Variants in ZFHX3 observed in about 807,000 individuals in gnomAD.
ZFHX3 encodes zinc finger homeobox 3, also known as zinc finger homeobox protein 3.
Under a neutral mutation model 279.1 loss-of-function variants are expected in ZFHX3, and 42 were observed. That is an observed-to-expected ratio of 0.15 (90% confidence interval 0.12 to 0.19). The LOEUF is 0.19. ZFHX3 is among the 10% of genes least tolerant of loss of function. The probability of loss-of-function intolerance (pLI) is 1.00; values close to 1 mark genes in which losing one functional copy is unlikely to be tolerated. For missense variants in ZFHX3, 4,981 were observed against 4,754.0 expected (o/e 1.05, Z -1.40); for synonymous variants, 2,293 against 1,957.8 (o/e 1.17, Z -4.52).
At chr16:72,868,759 T>G (rs1231557190) in intron 4 of ZFHX3, among the ~76,000 whole-genome samples, 1 of 152,204 alleles carries the variant, frequency 6.6e-6, no homozygotes, top group African/African-American at 2.4e-5. Context: ...CTGGTCACCT[T>G]CTGCACCTCC....
In ZFHX3 at chr16:72,787,535, G is replaced by C; in HGVS notation, c.10741C>G (p.Pro3581Ala). 1 of 1,614,100 alleles carries C rather than the reference G, an allele frequency of 6.2e-7. No homozygotes were observed. The highest frequency in any genetic ancestry group is 8.5e-7 in the Non-Finnish European group (1 of 1,179,990). ...LLPHSACFPD[P>A]STASTSQSAA... ...GACTGCGAGGTAGATGCGGTGCTAGGATCGGGGAAGCAGGCAGAGTGAGGT... is the reference window on the plus strand; with the variant it reads ...GACTGCGAGGTAGATGCGGTGCTAGCATCGGGGAAGCAGGCAGAGTGAGGT... The change falls in exon 10 of 10, where the codon CCT (proline) becomes GCT (alanine). Residue 3581 changes from proline (P) to alanine (A), a missense_variant. By Grantham distance (27) the Pro-to-Ala change is conservative. Transcript: ENST00000268489.
At chr16:73,361,664 C>G (rs2016435750) in intron 3 of ZFHX3, among the ~76,000 whole-genome samples, 1 of 152,330 alleles carries the variant, frequency 6.6e-6, no homozygotes, top group Admixed American at 6.5e-5. Flanking sequence ...CTTCCCCCCA[C>G]TGTAAAAGTT....
chr16:73,397,651 TG>T (rs1317300878), intron 3 of ZFHX3, among the ~76,000 whole-genome samples: 1 of 151,744 alleles, frequency 6.6e-6, no homozygotes, highest in Non-Finnish European at 1.5e-5. Context: ...CTATTAGCAG[TG>T]GGGATGTGGG....
chr16:73,726,638 G>C (rs987862413), intron 1 of ZFHX3, among the ~76,000 whole-genome samples: 1 of 152,212 alleles, frequency 6.6e-6, no homozygotes, highest in Non-Finnish European at 1.5e-5. Context: ...GGAGGCCTCA[G>C]AGAGCTTTTA....
intron 5 of ZFHX3, among the ~76,000 whole-genome samples, chr16:73,195,808 G>T (rs1356757757): frequency 6.6e-6 from 1 of 152,174 alleles, no homozygotes; most frequent in Non-Finnish European, 1.5e-5. Context: ...GGAACGGCAG[G>T]AAGTGCTAGA....
At position 73,687,944 on chromosome 16, in the gene ZFHX3, T is replaced by C. The variant is rs533544015; in HGVS notation, c.-1607-7704A>G. ...AATTTCCATAATACTTGTAATTTTA[T>C]CTTTAAGACAATAATTTTTTTTCCA... On this transcript the variant is annotated intron_variant, in intron 1 of 17. Transcript: ENST00000641206. Among the ~76,000 whole-genome samples, 488 of 152,190 alleles carry C rather than the reference T, an allele frequency of 3.2e-3. 3 individuals are homozygous for C. The highest frequency in any genetic ancestry group is 0.011 in the African/African-American group (453 of 41,514).
intron 2 of ZFHX3, among the ~76,000 whole-genome samples, chr16:73,601,163 A>G (rs894823497): frequency 1.3e-5 from 2 of 152,040 alleles, no homozygotes; most frequent in South Asian, 2.1e-4. Flanking sequence ...TTATTTAACA[A>G]TTGTTTGGGC....
intron 1 of ZFHX3, among the ~76,000 whole-genome samples, chr16:73,056,565 C>A (rs1965561497): frequency 1.3e-5 from 2 of 152,052 alleles, no homozygotes; most frequent in East Asian, 1.9e-4. Flanking sequence ...GAAAAAAAAA[C>A]AACTTCAGCA....
intron 2 of ZFHX3, among the ~76,000 whole-genome samples, chr16:73,568,953 G>A (rs2020490736): frequency 6.6e-6 from 1 of 151,904 alleles, no homozygotes; most frequent in South Asian, 2.1e-4. Flanking sequence ...TGTGCCTCCG[G>A]CGACTCAACT....
chr16:73,157,114 A>T (rs1967106849), intron 5 of ZFHX3, among the ~76,000 whole-genome samples: 1 of 152,144 alleles, frequency 6.6e-6, no homozygotes, highest in Non-Finnish European at 1.5e-5. Flanking sequence ...CTGCCTCTGA[A>T]GTCTAGCCAC....
chr16:73,066,309 T>G (rs1274276480), intron 8 of ZFHX3, among the ~76,000 whole-genome samples: 1 of 152,094 alleles, frequency 6.6e-6, no homozygotes, highest in Non-Finnish European at 1.5e-5. Context: ...CCTCCCCGCC[T>G]CTCGTTCCCA....
At position 72,796,485 on chromosome 16, in the gene ZFHX3, G is replaced by A. The variant is rs754624764; in HGVS notation, c.6197C>T (p.Ala2066Val). 71 of 1,608,396 alleles carry A rather than the reference G, an allele frequency of 4.4e-5. No homozygotes were observed. The highest frequency in any genetic ancestry group is 1.7e-4 in the Middle Eastern group (1 of 6,054). Residue 2066 changes from alanine (A) to valine (V), a missense_variant, in exon 9 of 10, where the codon GCA (alanine) becomes GTA (valine). Physicochemically the swap from Ala to Val is moderately conservative, Grantham distance 64. Transcript: ENST00000268489. ...PQPASTPAIP[A>V]SAPPITSPTI... is the part of the protein sequence containing the mutation. ...AGGTGAGGTGATGGGTGGGGCTGAT[G>A]CGGGGATGGCTGGTGTGGACGCCGG...
At chr16:73,263,081 CTTG>C (rs2013869868) in intron 4 of ZFHX3, among the ~76,000 whole-genome samples, 1 of 152,180 alleles carries the variant, frequency 6.6e-6, no homozygotes, top group South Asian at 2.1e-4. Context: ...CAATAAAATG[CTTG>C]TTGTTTTAAG....
intron 4 of ZFHX3, among the ~76,000 whole-genome samples, chr16:73,263,441 G>A (rs1035715912): frequency 2.0e-5 from 3 of 152,030 alleles, no homozygotes; most frequent in Non-Finnish European, 4.4e-5. Context: ...CTCCTGCCTC[G>A]GCCTCCCAGA....
chr16:73,506,521 A>G (rs1431323943), intron 2 of ZFHX3, among the ~76,000 whole-genome samples: 1 of 152,182 alleles, frequency 6.6e-6, no homozygotes, highest in African/African-American at 2.4e-5. Context: ...AAGTTCATGT[A>G]TATTAGCCAG....
upstream of ZFHX3, among the ~76,000 whole-genome samples, chr16:73,052,216 T>G (rs545966418): frequency 1.9e-4 from 26 of 135,240 alleles, 1 homozygote; most frequent in South Asian, 6.1e-3. Context: ...AATTGTAGAT[T>G]TAAAAAAAAA....
At chr16:72,983,477 C>T (rs1254108620) in intron 1 of ZFHX3, among the ~76,000 whole-genome samples, 1 of 152,124 alleles carries the variant, frequency 6.6e-6, no homozygotes, top group Non-Finnish European at 1.5e-5. Context: ...GAGGCCGAGG[C>T]GGGAGGATCA....
In ZFHX3 at chr16:72,795,960, C is replaced by T; in HGVS notation, c.6722G>A (p.Ser2241Asn). 1 of 1,614,182 alleles carries T rather than the reference C, an allele frequency of 6.2e-7. No homozygotes were observed. Among genetic ancestry groups the T allele is most frequent in the Admixed American group, 1.7e-5 (1 of 60,024 alleles). The change falls in exon 9 of 10, where the codon AGC becomes AAC. Residue 2241 changes from serine (S) to asparagine (N), a missense_variant. Coordinates refer to ENST00000268489, the MANE Select transcript of ZFHX3 (RefSeq NM_006885.4). ...AAACCTTGTTCTTGAAGACCTCTTG[C>T]TTCCCCAGTACTCCTGCTTTGGAGG... is the stretch of plus-strand genomic sequence containing the variant. ...PEPPKQEYWG[S>N]KRSSRTRFTD...
intron 1 of ZFHX3, among the ~76,000 whole-genome samples, chr16:73,813,425 T>C (rs1960478329): frequency 6.6e-6 from 1 of 152,024 alleles, no homozygotes; most frequent in Admixed American, 6.6e-5. Context: ...GATCAGGGAA[T>C]TGGCTGCATA....
Sources: gnomAD v4.1 joint callset for allele counts (sites outside exome capture counted in the v4.1 genomes callset) on GRCh38, gnomAD v4.1.1 for gene constraint, MANE v1.5 for transcripts, NCBI Gene and HGNC (gene_info 2026-07-23, HGNC 2026-07-21) for gene names.